Variants in ADARB2 observed in about 807,000 individuals in gnomAD.
ADARB2 encodes inactive double-stranded RNA-specific editase B2.
In ADARB2, 25 loss-of-function variants were observed where a neutral mutation model predicts 62.2. The ratio of observed to expected loss-of-function variants is 0.40; its 90% CI spans 0.29 to 0.56. The LOEUF (loss-of-function observed/expected upper bound fraction) is 0.56, where lower values mean the gene tolerates loss of function less well. ADARB2 is among the 20% of genes least tolerant of loss of function. The pLI, the probability that ADARB2 is intolerant of heterozygous loss-of-function variation, is 0.43. For synonymous variants in ADARB2, 572 were observed against 500.8 expected (o/e 1.14, Z -1.90); for missense variants, 1,071 against 1,077.4 (o/e 0.99, Z 0.08).
intron 3 of ADARB2, among the ~76,000 whole-genome samples, chr10:1,316,707 C>T (rs995577324): frequency 6.6e-6 from 1 of 152,210 alleles, no homozygotes; most frequent in South Asian, 2.1e-4. Context: ...ACCCCATGTG[C>T]ACTGGCCTGG....
chr10:1,586,693 A>G (rs1833185179), intron 1 of ADARB2, among the ~76,000 whole-genome samples: 1 of 152,230 alleles, frequency 6.6e-6, no homozygotes. Flanking sequence ...CTTCCTACAC[A>G]GAGAATAGAT....
intron 1 of ADARB2, among the ~76,000 whole-genome samples, chr10:1,626,016 C>T (rs1007830961): frequency 5.3e-5 from 6 of 113,176 alleles, no homozygotes; most frequent in African/African-American, 2.1e-4. Flanking sequence ...TGGACCTCAG[C>T]TCCTGCATGG....
chr10:1,564,980 A>G (rs1357433886), intron 1 of ADARB2, among the ~76,000 whole-genome samples: 2 of 152,200 alleles, frequency 1.3e-5, no homozygotes, highest in Admixed American at 6.5e-5. Context: ...TCGGCCGTAG[A>G]CCTGCATCCC....
chr10:1,384,018 G>T (rs1353589333), intron 1 of ADARB2, among the ~76,000 whole-genome samples: 1 of 152,174 alleles, frequency 6.6e-6, no homozygotes, highest in African/African-American at 2.4e-5. Flanking sequence ...GGCCACAAAA[G>T]GAAGAATAGT....
intron 1 of ADARB2, among the ~76,000 whole-genome samples, chr10:1,395,911 G>T (rs1832608833): frequency 1.3e-5 from 2 of 152,230 alleles, no homozygotes; most frequent in African/African-American, 4.8e-5. Flanking sequence ...TTTCTACTGA[G>T]CTTCTTTGAA....
rs1378666922 is a variant in ADARB2, at chr10:1,542,082, C to G, written c.101-162922G>C. On this transcript the variant is annotated intron_variant, in intron 1 of 9. Coordinates refer to ENST00000381312, the MANE Select transcript of ADARB2 (RefSeq NM_018702.4). The stretch of plus-strand genomic sequence containing the variant: ...AGACCCCACTCACACTCAGTTCAGA[C>G]CCTGGATCACAGCCGCCCAGACCCC... Among the ~76,000 whole-genome samples, 2 of 35,584 alleles carry G rather than the reference C, an allele frequency of 5.6e-5. 1 individual carries two copies. Among genetic ancestry groups the G allele is most frequent in the Non-Finnish European group, 1.3e-4 (2 of 15,670 alleles). 23.3% of individuals were successfully genotyped at this position (35,584 alleles called of 152,430 possible).
chr10:1,259,545 C>A (rs546016996), intron 4 of ADARB2, among the ~76,000 whole-genome samples: 3 of 152,296 alleles, frequency 2.0e-5, no homozygotes, highest in Non-Finnish European at 2.9e-5. Context: ...ACTAGAAAAT[C>A]TAGAAGAAAT....
At chr10:1,632,964 T>C (rs1833861371) in intron 1 of ADARB2, among the ~76,000 whole-genome samples, 2 of 152,134 alleles carry the variant, frequency 1.3e-5, no homozygotes, top group Admixed American at 1.3e-4. Context: ...TGTGGGTGGG[T>C]GCATCCAGTC....
At chr10:1,489,633 T>C (rs2131930725) in intron 1 of ADARB2, among the ~76,000 whole-genome samples, 1 of 152,340 alleles carries the variant, frequency 6.6e-6, no homozygotes, top group South Asian at 2.1e-4. Context: ...CAAATGCTTT[T>C]GAGTAACAAT....
At chr10:1,353,711 C>T (rs982451301) in intron 3 of ADARB2, among the ~76,000 whole-genome samples, 4 of 152,186 alleles carry the variant, frequency 2.6e-5, no homozygotes, top group African/African-American at 7.2e-5. Flanking sequence ...TTCACCTTCT[C>T]GATGTTCCTT....
chr10:1,576,466 C>A (rs571262475), intron 1 of ADARB2, among the ~76,000 whole-genome samples: 11 of 152,236 alleles, frequency 7.2e-5, no homozygotes, highest in Non-Finnish European at 1.6e-4. Context: ...GGACTTCCTG[C>A]AAATACGGTA....
chr10:1,306,117 T>C (rs1003359123), intron 3 of ADARB2, among the ~76,000 whole-genome samples: 6 of 151,054 alleles, frequency 4.0e-5, no homozygotes, highest in Admixed American at 1.3e-4. Flanking sequence ...GGAAGTCAAA[T>C]TGTCCCTGTT....
intron 1 of ADARB2, among the ~76,000 whole-genome samples, chr10:1,562,065 C>T (rs1296463938): frequency 6.6e-6 from 1 of 152,236 alleles, no homozygotes; most frequent in Admixed American, 6.5e-5. Context: ...CCGTCTCCCT[C>T]TGGCCATTCA....
chr10:1,644,330 CCT>C (rs1394348246), intron 1 of ADARB2, among the ~76,000 whole-genome samples: 1 of 152,254 alleles, frequency 6.6e-6, no homozygotes, highest in Non-Finnish European at 1.5e-5. Context: ...CCAAGCTCCC[CCT>C]GTCCCCGGGC....
At chr10:1,533,710 G>T (rs1272184309) in intron 1 of ADARB2, among the ~76,000 whole-genome samples, 1 of 152,278 alleles carries the variant, frequency 6.6e-6, no homozygotes, top group East Asian at 1.9e-4. Flanking sequence ...ACAGCTAGAG[G>T]TTTGAAAGGA....
intron 1 of ADARB2, among the ~76,000 whole-genome samples, chr10:1,603,018 ATACACACATC>A (rs1564344073): frequency 1.1e-5 from 1 of 90,410 alleles, no homozygotes; most frequent in Non-Finnish European, 2.6e-5. Flanking sequence ...GTACACACAC[ATACACACATC>A]AATATAAACA....
intron 3 of ADARB2, among the ~76,000 whole-genome samples, chr10:1,313,088 C>A (rs951886697): frequency 1.3e-5 from 2 of 152,168 alleles, no homozygotes; most frequent in African/African-American, 4.8e-5. Context: ...CATTCCTCAA[C>A]AAGCATCTGC....
At chr10:1,631,563 C>G (rs1394224021) in intron 1 of ADARB2, among the ~76,000 whole-genome samples, 1 of 152,204 alleles carries the variant, frequency 6.6e-6, no homozygotes, top group East Asian at 1.9e-4. Context: ...ACTTCTACAT[C>G]CAGGAAGTGC....
chr10:1,507,301 C>G (rs886705180), intron 1 of ADARB2, among the ~76,000 whole-genome samples: 1 of 152,182 alleles, frequency 6.6e-6, no homozygotes, highest in East Asian at 1.9e-4. Context: ...TGTGAGGGAA[C>G]CTCAGGAGGC....
Sources: gnomAD v4.1 joint callset for allele counts (sites outside exome capture counted in the v4.1 genomes callset) on GRCh38, gnomAD v4.1.1 for gene constraint, MANE v1.5 for transcripts, NCBI Gene and HGNC (gene_info 2026-07-23, HGNC 2026-07-21) for gene names.